Variants in NT5C2 observed in about 807,000 individuals in gnomAD.
The protein encoded by NT5C2 is 5'-nucleotidase, cytosolic II.
NT5C2 carries 58 observed loss-of-function variants against 76.1 expected under a neutral mutation model. That is an observed-to-expected ratio of 0.76 (90% confidence interval 0.62 to 0.95). The LOEUF (loss-of-function observed/expected upper bound fraction) is 0.95. NT5C2 is among the 40% of genes least tolerant of loss of function. The pLI is 0.00. For synonymous variants in NT5C2, 229 were observed against 237.4 expected, an observed-to-expected ratio of 0.96 and a Z score of 0.32; for missense variants, 478 against 690.3, an observed-to-expected ratio of 0.69 and a Z score of 3.45.
intron 16 of NT5C2, among the ~76,000 whole-genome samples, chr10:103,091,241 T>C (rs1408301821): frequency 6.6e-6 from 1 of 152,156 alleles, no homozygotes; most frequent in Non-Finnish European, 1.5e-5. Context: ...TCGTTTGCCA[T>C]GTTGGTCAGG....
intron 3 of NT5C2, chr10:103,140,247 ATGGTTTC>A (rs1461856517): frequency 6.6e-6 from 1 of 151,866 alleles, no homozygotes. Context: ...CTTTGTTTCT[ATGGTTTC>A]CTTTTTTGAT....
At chr10:103,127,263 T>C (rs909366941) in intron 4 of NT5C2, among the ~76,000 whole-genome samples, 2 of 152,222 alleles carry the variant, frequency 1.3e-5, no homozygotes, top group African/African-American at 2.4e-5. Flanking sequence ...TCAGGATTAA[T>C]ACTGATTTAG....
chr10:103,136,190 A>G (rs2079193722), intron 4 of NT5C2, among the ~76,000 whole-genome samples: 1 of 152,218 alleles, frequency 6.6e-6, no homozygotes, highest in African/African-American at 2.4e-5. Flanking sequence ...TCATATGAAA[A>G]TCTCGATAAA....
chr10:103,131,459 G>A (rs769100224), intron 4 of NT5C2, among the ~76,000 whole-genome samples: 5 of 152,162 alleles, frequency 3.3e-5, no homozygotes, highest in Non-Finnish European at 7.4e-5. Context: ...TATAAAGGCG[G>A]AGCACTTGTG....
rs554684379 is a variant in NT5C2 at position 103,139,480 on chromosome 10, C to T, written c.102-1G>A. ...TGCTAAACTTCGGTTCACAAACACCCTATAGAAAATAATAAAAAATAATAT... is the reference window on the plus strand; with the variant it reads ...TGCTAAACTTCGGTTCACAAACACCTTATAGAAAATAATAAAAAATAATAT... On this transcript the variant is annotated splice_acceptor_variant, in intron 3 of 18. Coordinates refer to ENST00000404739, the MANE Select transcript of NT5C2 (RefSeq NM_001351169.2). LOFTEE classifies it high-confidence loss of function. 1 of 1,553,998 alleles carries T rather than the reference C, an allele frequency of 6.4e-7. No individual in the cohort carries two copies. Among genetic ancestry groups the T allele is most frequent in the African/African-American group, 1.4e-5 (1 of 73,054 alleles).
At chr10:103,090,495 TG>T in intron 18 of NT5C2, 115 bp downstream of exon 18, 1 of 902,926 alleles carries the variant, frequency 1.1e-6, no homozygotes, top group African/African-American at 1.7e-5. Flanking sequence ...AACCTGCCCC[TG>T]GGCTCTGTAC....
In NT5C2 at chr10:103,093,298, T is replaced by A. The variant is rs200840268; in HGVS notation, c.1000A>T (p.Thr334Ser). Residue 334 changes from threonine to serine, a missense_variant, in exon 15 of 19, where the codon ACG becomes TCG. Transcript: ENST00000404739. ...GIVYSGGSSD[T>S]ICDLLGAKGK... The stretch of plus-strand genomic sequence containing the variant: ...TTGGCTCCCAACAGGTCACAGATCG[T>A]ATCAGAAGAACCTGAACCAACAGAG... 5 of 1,582,710 alleles carry A rather than the reference T, an allele frequency of 3.2e-6. No individual in the cohort carries two copies. Among genetic ancestry groups the A allele is most frequent in the Non-Finnish European group, 2.6e-6 (3 of 1,167,186 alleles).
In NT5C2 at chr10:103,130,587, A is replaced by G. The variant is rs1242574836; in HGVS notation, c.175+8819T>C. Among the ~76,000 whole-genome samples the G allele has an allele frequency of 4.7e-5, 7 of 150,238 alleles. No individual in the cohort carries two copies. The East Asian group carries it at 9.7e-4, about 21-fold the overall frequency. ...ATTTAAAAAAAAAATAAAAATTAAA[A>G]AAAAAAAAAAGAAAAATTAGAAGTT... On this transcript the variant is annotated intron_variant, in intron 4 of 18. Transcript: ENST00000404739.
intron 2 of NT5C2, among the ~76,000 whole-genome samples, chr10:103,179,520 G>GT (rs2090691538): frequency 6.6e-6 from 1 of 151,992 alleles, no homozygotes; most frequent in South Asian, 2.1e-4. Flanking sequence ...GGGATTACAG[G>GT]TGCACACCAC....
chr10:103,153,741 G>T, intron 3 of NT5C2: 1 of 985,086 alleles, frequency 1.0e-6, no homozygotes, highest in Non-Finnish European at 1.2e-6. Flanking sequence ...ATCATTTTTA[G>T]TTTACTCTGG....
intron 1 of NT5C2, among the ~76,000 whole-genome samples, chr10:103,185,553 T>G (rs2091901728): frequency 7.0e-6 from 1 of 143,652 alleles, no homozygotes; most frequent in Non-Finnish European, 1.5e-5. Flanking sequence ...GAGGCTGAGG[T>G]AGGAAGATTG....
intron 1 of NT5C2, among the ~76,000 whole-genome samples, chr10:103,187,791 A>G (rs1478448346): frequency 6.6e-6 from 1 of 152,202 alleles, no homozygotes; most frequent in Non-Finnish European, 1.5e-5. Context: ...TATGACTGCT[A>G]TAAAAAGTGT....
chr10:103,093,584 T>G (rs1046581935), intron 14 of NT5C2: 5 of 366,566 alleles, frequency 1.4e-5, no homozygotes, highest in African/African-American at 1.0e-4. Flanking sequence ...CCACTGCCAA[T>G]TTCATCACAA....
chr10:103,187,233 CAG>C (rs1005929087), intron 1 of NT5C2, among the ~76,000 whole-genome samples: 4 of 151,272 alleles, frequency 2.6e-5, no homozygotes, highest in African/African-American at 9.7e-5. Context: ...TTGGGCAACA[CAG>C]AGAGACTCCA....
intron 11 of NT5C2, among the ~76,000 whole-genome samples, chr10:103,096,507 T>C (rs2068217894): frequency 6.6e-6 from 1 of 152,126 alleles, no homozygotes; most frequent in Non-Finnish European, 1.5e-5. Context: ...GTTAGATCAG[T>C]TTTTCCACAT....
intron 4 of NT5C2, among the ~76,000 whole-genome samples, chr10:103,131,678 T>C (rs1315000180): frequency 6.6e-6 from 1 of 152,226 alleles, no homozygotes; most frequent in Non-Finnish European, 1.5e-5. Flanking sequence ...CTCAGCACTT[T>C]GGGAGGCCAA....
At chr10:103,180,858 AAT>A (rs2090928422) in intron 2 of NT5C2, among the ~76,000 whole-genome samples, 1 of 152,366 alleles carries the variant, frequency 6.6e-6, no homozygotes, top group African/African-American at 2.4e-5. Context: ...ACTACTATGC[AAT>A]ATAAAGGAAT....
intron 4 of NT5C2, among the ~76,000 whole-genome samples, chr10:103,110,740 A>G (rs1035731529): frequency 5.9e-5 from 9 of 152,194 alleles, no homozygotes; most frequent in Non-Finnish European, 1.0e-4. Flanking sequence ...TTCCCAGATA[A>G]TCACAAATGA....
intron 4 of NT5C2, among the ~76,000 whole-genome samples, chr10:103,120,651 A>C (rs2075473317): frequency 6.6e-6 from 1 of 152,200 alleles, no homozygotes; most frequent in African/African-American, 2.4e-5. Context: ...TATTGCCAAG[A>C]TGTGAAGAAA....
Sources: gnomAD v4.1 joint callset for allele counts (sites outside exome capture counted in the v4.1 genomes callset) on GRCh38, gnomAD v4.1.1 for gene constraint, MANE v1.5 for transcripts, NCBI Gene and HGNC (gene_info 2026-07-23, HGNC 2026-07-21) for gene names.